Variants in KCNT2 observed in about 807,000 individuals in gnomAD.
The protein encoded by KCNT2 is potassium sodium-activated channel subfamily T member 2, also known as potassium channel subfamily T member 2.
A neutral mutation model predicts 153.8 loss-of-function variants in KCNT2; 67 were observed. The observed-to-expected ratio is 0.44, with a 90% confidence interval of 0.36 to 0.53. The LOEUF is 0.53. Among genes scored for constraint, KCNT2 ranks in the 20% least tolerant of loss-of-function variants. The pLI is 0.00. For missense variants in KCNT2, 975 were observed against 1,354.8 expected, an observed-to-expected ratio of 0.72 and a Z score of 4.40; for synonymous variants, 500 against 458.8, an observed-to-expected ratio of 1.09 and a Z score of -1.15.
chr1:196,253,456 T>C (rs1656171690), intron 26 of KCNT2, among the ~76,000 whole-genome samples: 2 of 151,548 alleles, frequency 1.3e-5, no homozygotes, highest in South Asian at 2.1e-4. Context: ...CTCTGCCACC[T>C]TGAACATATA....
chr1:196,541,969 G>C (rs1003882556), intron 1 of KCNT2, among the ~76,000 whole-genome samples: 1 of 151,780 alleles, frequency 6.6e-6, no homozygotes, highest in Admixed American at 6.6e-5. Context: ...AATACAAGGT[G>C]TCTAGCACCT....
intron 26 of KCNT2, among the ~76,000 whole-genome samples, chr1:196,251,112 T>C (rs879808800): frequency 2.6e-5 from 4 of 152,044 alleles, no homozygotes; most frequent in Non-Finnish European, 5.9e-5. Context: ...TCCAGCATTC[T>C]CACTGCTAGG....
chr1:196,550,532 TGTA>T (rs1399927317), intron 1 of KCNT2, among the ~76,000 whole-genome samples: 2 of 151,946 alleles, frequency 1.3e-5, no homozygotes, highest in Non-Finnish European at 2.9e-5. Context: ...GCTTTAGACT[TGTA>T]GTCTTTACTA....
At chr1:196,340,013 A>G (rs767244485) in intron 16 of KCNT2, among the ~76,000 whole-genome samples, 1 of 152,024 alleles carries the variant, frequency 6.6e-6, no homozygotes, top group African/African-American at 2.4e-5. Flanking sequence ...TTTTTGTAAT[A>G]TCTTAGATTG....
At chr1:196,444,979 C>A (rs540490809) in intron 8 of KCNT2, among the ~76,000 whole-genome samples, 1 of 151,454 alleles carries the variant, frequency 6.6e-6, no homozygotes, top group South Asian at 2.1e-4. Context: ...CTACTAAATT[C>A]AGTCTAAAAG....
At chr1:196,546,801 C>A (rs1251949107) in intron 1 of KCNT2, among the ~76,000 whole-genome samples, 11 of 151,940 alleles carry the variant, frequency 7.2e-5, no homozygotes, top group Non-Finnish European at 4.4e-5. Context: ...GAAAATTGGA[C>A]TGAAATCAAG....
rs183895331 is a variant in KCNT2 at position 196,257,435 on chromosome 1, C to T, written c.3211+759G>A. 13 of 968,886 alleles carry T rather than the reference C, an allele frequency of 1.3e-5. No individual in the cohort carries two copies. The South Asian group carries it at 6.2e-4, about 46-fold the overall frequency. The allele number at this position is 968,886 out of a possible 1,614,324, so 60.0% of individuals were successfully genotyped here. A position where few individuals can be genotyped will look rare whatever the true frequency, so the allele number is the denominator to read the frequency against. ...ATTCTTAACTTGCATGATACTAACC[C>T]TATCTGAGTTCCTGGTTTACCATGT... On this transcript the variant is annotated intron_variant, in intron 26 of 27. Transcript: ENST00000294725.
chr1:196,548,311 G>GA (rs1187800005), intron 1 of KCNT2, among the ~76,000 whole-genome samples: 5 of 151,368 alleles, frequency 3.3e-5, no homozygotes, highest in African/African-American at 1.2e-4. Flanking sequence ...AAATTTACAA[G>GA]AAAAAAACAA....
intron 16 of KCNT2, among the ~76,000 whole-genome samples, chr1:196,339,492 C>T (rs1665380919): frequency 6.7e-6 from 1 of 148,652 alleles, no homozygotes; most frequent in African/African-American, 2.5e-5. Context: ...ATGGTGCACA[C>T]AGAGATATGA....
At chr1:196,331,108 A>G in intron 18 of KCNT2, 48 bp downstream of exon 18, 1 of 989,714 alleles carries the variant, frequency 1.0e-6, no homozygotes, top group South Asian at 1.3e-5. Flanking sequence ...TAACTATAAA[A>G]TGCTATAATT....
chr1:196,504,250 A>C, intron 1 of KCNT2, among the ~76,000 whole-genome samples: 2 of 106,020 alleles, frequency 1.9e-5, no homozygotes, highest in East Asian at 6.3e-4. Context: ...CCATCCCACA[A>C]CAGTCCCCAG....
At chr1:196,413,488 A>G (rs894171818) in intron 12 of KCNT2, among the ~76,000 whole-genome samples, 1 of 151,760 alleles carries the variant, frequency 6.6e-6, no homozygotes, top group Non-Finnish European at 1.5e-5. Context: ...GACTAAAACT[A>G]CAATCCTAAA....
At chr1:196,454,134 G>A (rs1194678363) in intron 8 of KCNT2, among the ~76,000 whole-genome samples, 3 of 151,872 alleles carry the variant, frequency 2.0e-5, no homozygotes, top group Non-Finnish European at 4.4e-5. Flanking sequence ...TCTCTCTGAT[G>A]TCTATACATA....
At chr1:196,430,807 T>C (rs947803255) in intron 8 of KCNT2, among the ~76,000 whole-genome samples, 2 of 151,970 alleles carry the variant, frequency 1.3e-5, no homozygotes, top group African/African-American at 4.8e-5. Flanking sequence ...AAAAGCAAAG[T>C]GAGACTATGA....
At chr1:196,248,651 A>G (rs1218352319) in intron 26 of KCNT2, among the ~76,000 whole-genome samples, 1 of 152,176 alleles carries the variant, frequency 6.6e-6, no homozygotes, top group Non-Finnish European at 1.5e-5. Context: ...GAAAGCCATA[A>G]TAAGAAATGT....
At chr1:196,275,149 A>G (rs1369002076) in intron 25 of KCNT2, among the ~76,000 whole-genome samples, 1 of 151,904 alleles carries the variant, frequency 6.6e-6, no homozygotes, top group African/African-American at 2.4e-5. Context: ...ATACTTTTAT[A>G]TTATGGATTG....
chr1:196,375,144 G>A (rs546778992), intron 13 of KCNT2, among the ~76,000 whole-genome samples: 1 of 151,856 alleles, frequency 6.6e-6, no homozygotes, highest in Non-Finnish European at 1.5e-5. Flanking sequence ...ATCTGAGTTT[G>A]GGGGGCAATG....
Position 196,422,991 on chromosome 1 carries a change from T to TA in KCNT2, c.1185+58dup, listed in dbSNP as rs994920645. 1.0e-4 allele frequency: 121 copies of TA among 1,168,324 alleles called. 1 individual carries two copies. Among genetic ancestry groups the TA allele is most frequent in the South Asian group, 8.3e-4 (53 of 63,622 alleles). 72.4% of individuals were successfully genotyped at this position (1,168,324 alleles called of 1,614,324 possible). A position where few individuals can be genotyped will look rare whatever the true frequency, so the allele number is the denominator to read the frequency against. ...CTGGCGAATTTTTAAAAACTCAAATTAAAAAAAATCTTCTAAAATGGAAAG... is the reference window on the plus strand; with the variant it reads ...CTGGCGAATTTTTAAAAACTCAAATTAAAAAAAAATCTTCTAAAATGGAAAG... On this transcript the variant is annotated intron_variant, in intron 12 of 27. Coordinates refer to ENST00000294725, the MANE Select transcript of KCNT2 (RefSeq NM_198503.5).
chr1:196,411,491 A>C (rs1241175045), intron 12 of KCNT2, among the ~76,000 whole-genome samples: 2 of 148,596 alleles, frequency 1.3e-5, no homozygotes, highest in Non-Finnish European at 3.0e-5. Flanking sequence ...ATTCTGATGG[A>C]AATAGTGAAC....
Sources: allele counts gnomAD v4.1 joint callset (sites outside exome capture counted in the v4.1 genomes callset), GRCh38; gene constraint gnomAD v4.1.1; transcripts MANE v1.5; gene names NCBI Gene and HGNC (gene_info 2026-07-23, HGNC 2026-07-21).